PGGT1B: variants seen among roughly 807,000 people sequenced by gnomAD.
The protein encoded by PGGT1B is protein geranylgeranyltransferase type I subunit beta.
In PGGT1B, 30 loss-of-function variants were observed where a neutral mutation model predicts 46.1. That is an observed-to-expected ratio of 0.65 (90% CI 0.49 to 0.88). The LOEUF (loss-of-function observed/expected upper bound fraction) is 0.88. Among genes scored for constraint, PGGT1B ranks in the 40% least tolerant of loss-of-function variants. The probability of loss-of-function intolerance (pLI) is 0.00; values close to 1 mark genes in which losing one functional copy is unlikely to be tolerated. For synonymous variants in PGGT1B, 170 were observed against 160.0 expected, an observed-to-expected ratio of 1.06 and a Z score of -0.47; for missense variants, 376 against 455.9, an observed-to-expected ratio of 0.82 and a Z score of 1.60.
chr5:115,208,828 T>C lies in PGGT1B; in HGVS notation c.*3574A>G, dbSNP rs2126981526. On this transcript the variant is annotated 3_prime_UTR_variant, in exon 9 of 9. Transcript: ENST00000419445. ...TACTTTTATTGATAACTGTACTAAT[T>C]AATATAAATTTCCTGTCATATTTGC... is the stretch of plus-strand genomic sequence containing the variant. 1 of 152,182 alleles carries C rather than the reference T, an allele frequency of 6.6e-6. No homozygotes were observed. Among genetic ancestry groups the C allele is most frequent in the Non-Finnish European group, 1.5e-5 (1 of 67,972 alleles). The allele number at this position is 152,182 out of a possible 1,614,324, so 9.4% of individuals were successfully genotyped here. A position where few individuals can be genotyped will look rare whatever the true frequency, so the allele number is the denominator to read the frequency against.
At chr5:115,257,053 T>C (rs141331905) in intron 1 of PGGT1B, among the ~76,000 whole-genome samples, 208 of 152,258 alleles carry the variant, frequency 1.4e-3, no homozygotes, top group African/African-American at 4.8e-3. Flanking sequence ...CTGAACAATA[T>C]GTATAAGAAG....
chr5:115,238,159 C>T (rs188296326), intron 3 of PGGT1B, 150 bp from the exon 4 acceptor site: 97 of 483,114 alleles, frequency 2.0e-4, no homozygotes, highest in African/African-American at 1.6e-3. Context: ...AACAAATCTC[C>T]ATTTTATGTA....
intron 6 of PGGT1B, among the ~76,000 whole-genome samples, chr5:115,224,850 A>G (rs1756716882): frequency 6.6e-6 from 1 of 151,848 alleles, no homozygotes; most frequent in Admixed American, 6.6e-5. Flanking sequence ...AAAAAAAAAA[A>G]AGTAGTAGTA....
At chr5:115,260,347 T>C (rs1580785879) in intron 1 of PGGT1B, among the ~76,000 whole-genome samples, 1 of 152,306 alleles carries the variant, frequency 6.6e-6, no homozygotes, top group South Asian at 2.1e-4. Context: ...CCTGAATCAT[T>C]AGTTTAACAC....
chr5:115,262,090 T>G (rs565379907), intron 1 of PGGT1B, among the ~76,000 whole-genome samples: 1 of 152,210 alleles, frequency 6.6e-6, no homozygotes, highest in South Asian at 2.1e-4. Flanking sequence ...GGAGCAAAGA[T>G]TGCCTTCTCC....
chr5:115,249,153 C>T (rs1747980513), intron 2 of PGGT1B, among the ~76,000 whole-genome samples: 1 of 151,890 alleles, frequency 6.6e-6, no homozygotes, highest in Non-Finnish European at 1.5e-5. Flanking sequence ...CTACTTCCCC[C>T]TCCACAAAGA....
At chr5:115,229,343 C>G (rs1473255480) in intron 6 of PGGT1B, among the ~76,000 whole-genome samples, 1 of 152,120 alleles carries the variant, frequency 6.6e-6, no homozygotes, top group Non-Finnish European at 1.5e-5. Context: ...TACAAATACA[C>G]TGTGACACTA....
chr5:115,219,362 T>C (rs540587308), intron 7 of PGGT1B, among the ~76,000 whole-genome samples: 2 of 152,006 alleles, frequency 1.3e-5, no homozygotes, highest in East Asian at 3.9e-4. Context: ...GACAGTCTTT[T>C]CAACAAATGG....
At chr5:115,214,909 A>G (rs1756366729) in intron 8 of PGGT1B, among the ~76,000 whole-genome samples, 1 of 152,256 alleles carries the variant, frequency 6.6e-6, no homozygotes, top group African/African-American at 2.4e-5. Flanking sequence ...ATTTCAAGAT[A>G]TTATTTTGCT....
At position 115,208,976 on chromosome 5, in the gene PGGT1B, T is replaced by A. The variant is rs1322325403; in HGVS notation, c.*3426A>T. ...TCTTATTTCTTATACTAACTTTGAC[T>A]GGAGTTGGACTGTAATCCTGGCTCA... On this transcript the variant is annotated 3_prime_UTR_variant, in exon 9 of 9. Coordinates refer to ENST00000419445, the MANE Select transcript of PGGT1B (RefSeq NM_005023.4). 2.0e-5 allele frequency: 3 copies of A among 152,066 alleles called. No individual in the cohort carries two copies. The highest frequency in any genetic ancestry group is 7.2e-5 in the African/African-American group (3 of 41,420). The allele number at this position is 152,066 out of a possible 1,614,324, so 9.4% of individuals were successfully genotyped here.
chr5:115,220,426 G>A (rs559590551), intron 7 of PGGT1B, among the ~76,000 whole-genome samples: 46 of 151,930 alleles, frequency 3.0e-4, no homozygotes, highest in African/African-American at 1.1e-3. Flanking sequence ...GAGAGCAGAG[G>A]AGAGGTTACC....
rs2126982838 is a variant in PGGT1B, at chr5:115,210,502, G to C, written c.*1900C>G. The C allele has an allele frequency of 6.6e-6, 1 of 152,128 alleles. No individual in the cohort carries two copies. The highest frequency in any genetic ancestry group is 2.4e-5 in the African/African-American group (1 of 41,522). The allele number at this position is 152,128 out of a possible 1,614,324, so 9.4% of individuals were successfully genotyped here. On this transcript the variant is annotated 3_prime_UTR_variant, in exon 9 of 9. Coordinates refer to ENST00000419445, the MANE Select transcript of PGGT1B (RefSeq NM_005023.4). ...AGTTTCACAAGAAAGTCTCCCACAA[G>C]TGTATCAATTAGAAGCATACTAAAA...
At chr5:115,262,688 C>G in intron 1 of PGGT1B, 24 bp downstream of exon 1, 7 of 1,590,376 alleles carry the variant, frequency 4.4e-6, no homozygotes, top group Non-Finnish European at 6.0e-6. Flanking sequence ...TTGTGCCAGC[C>G]TGGCTGACTG....
intron 6 of PGGT1B, among the ~76,000 whole-genome samples, chr5:115,228,105 G>A (rs1756851146): frequency 6.6e-6 from 1 of 152,268 alleles, no homozygotes; most frequent in African/African-American, 2.4e-5. Flanking sequence ...CTGAAGAGGA[G>A]AATGACAGTT....
intron 1 of PGGT1B, among the ~76,000 whole-genome samples, chr5:115,253,643 A>G (rs750332037): frequency 1.3e-5 from 2 of 152,056 alleles, no homozygotes; most frequent in Non-Finnish European, 2.9e-5. Flanking sequence ...ATTTGTCAGG[A>G]TCAATTATAG....
intron 2 of PGGT1B, among the ~76,000 whole-genome samples, chr5:115,251,862 A>C (rs1022357183): frequency 6.6e-6 from 1 of 152,072 alleles, no homozygotes; most frequent in Non-Finnish European, 1.5e-5. Flanking sequence ...ATCTGTAATA[A>C]TTCTACCATA....
rs1756230679 is a variant in PGGT1B at position 115,211,627 on chromosome 5, CT to C, written c.*774del. The C allele has an allele frequency of 8.8e-6, 1 of 113,602 alleles. No individual in the cohort carries two copies. 7.0% of individuals were successfully genotyped at this position (113,602 alleles called of 1,614,324 possible). ...AAAAAAAAAAAAAAAAAAAAGGCAA[CT>C]AATGATTTGAGAATAAAATCAAACA... On this transcript the variant is annotated 3_prime_UTR_variant, in exon 9 of 9. Transcript: ENST00000419445.
intron 2 of PGGT1B, among the ~76,000 whole-genome samples, chr5:115,244,046 A>C (rs1757428942): frequency 6.6e-6 from 1 of 152,124 alleles, no homozygotes. Context: ...TAAGCTCCAC[A>C]TTTTAAGGTC....
Position 115,212,493 on chromosome 5 carries a change from G to C in PGGT1B, c.1043C>G (p.Thr348Arg). 6.2e-7 allele frequency: 1 copy of C among 1,613,426 alleles called. No individual in the cohort carries two copies. The highest frequency in any genetic ancestry group is 8.5e-7 in the Non-Finnish European group (1 of 1,179,540). The change falls in exon 9 of 9, where the codon ACA becomes AGA. Residue 348 changes from threonine (T) to arginine (R), a missense_variant. Physicochemically the swap from Thr to Arg is moderately conservative, Grantham distance 71. Around this residue, in one of 2 missense-constraint regions of PGGT1B, gnomAD observed 222 missense variants for 313.6 expected, o/e 0.71. Coordinates refer to ENST00000419445, the MANE Select transcript of PGGT1B (RefSeq NM_005023.4). ...CKVHPALNVSTRTSERLLDLH... is the reference protein window; with the variant it reads ...CKVHPALNVSRRTSERLLDLH... ...ATCTAGAAGGCGTTCAGAAGTCCGT[G>C]TGCTTACATTCAGAGCAGGATGAAC...
Sources: gnomAD v4.1 joint callset for allele counts (sites outside exome capture counted in the v4.1 genomes callset) on GRCh38, gnomAD v4.1.1 for gene constraint, gnomAD v4.1.1 regional missense constraint, MANE v1.5 for transcripts, NCBI Gene and HGNC (gene_info 2026-07-23, HGNC 2026-07-21) for gene names.